The following FBXL2 variants were observed in gnomAD, a reference collection of about 807,000 sequenced individuals.
FBXL2 encodes F-box and leucine rich repeat protein 2, also known as F-box/LRR-repeat protein 2.
FBXL2 carries 38 observed loss-of-function variants against 69.2 expected under a neutral mutation model. That is an observed-to-expected ratio of 0.55 (90% CI 0.42 to 0.72). The LOEUF (loss-of-function observed/expected upper bound fraction) is 0.72, where lower values mean the gene tolerates loss of function less well. Among genes scored for constraint, FBXL2 ranks in the 30% least tolerant of loss-of-function variants. The pLI is 0.00. For missense variants in FBXL2, 354 were observed against 520.3 expected (o/e 0.68, Z 3.11); for synonymous variants, 192 against 201.3 (o/e 0.95, Z 0.39).
Position 33,296,311 on chromosome 3 carries a change from C to T in FBXL2, c.4-1353C>T, listed in dbSNP as rs1025218228. 2.6e-5 allele frequency among the ~76,000 whole-genome samples: 4 copies of T among 152,192 alleles called. No homozygotes were observed. The East Asian group carries it at 7.7e-4, about 29-fold the overall frequency. On this transcript the variant is annotated intron_variant, in intron 1 of 14. Transcript: ENST00000484457. ...GAACTCCCAACCTCAAGCTATCCAC[C>T]TGCCTTGGCCTCCCCAAGTGCTAGG...
chr3:33,284,625 T>A (rs1303736125), intron 1 of FBXL2, among the ~76,000 whole-genome samples: 2 of 152,224 alleles, frequency 1.3e-5, no homozygotes, highest in African/African-American at 4.8e-5. Context: ...CTCATTGATC[T>A]GTCTAATGTT....
At chr3:33,413,277 T>G in the FBXL2 span, among the ~76,000 whole-genome samples, 1 of 151,832 alleles carries the variant, frequency 6.6e-6, no homozygotes, top group East Asian at 1.9e-4. Flanking sequence ...CTGGGTGCGG[T>G]GGCTCACACC....
rs911535533 is a variant in FBXL2, at chr3:33,386,911, CTT to C, written c.*1304_*1305del. On this transcript the variant is annotated 3_prime_UTR_variant, in exon 15 of 15. Coordinates refer to ENST00000484457, the MANE Select transcript of FBXL2 (RefSeq NM_012157.5). ...CTGAAGGGCCAGAGCTCATGAGAAACTTAAAAGTGAAACGGCAAAAGCAAGAT... is the reference window on the plus strand; with the variant it reads ...CTGAAGGGCCAGAGCTCATGAGAAACAAAAGTGAAACGGCAAAAGCAAGAT... 1 of 152,186 alleles carries C rather than the reference CTT, an allele frequency of 6.6e-6. No individual in the cohort carries two copies. Among genetic ancestry groups the C allele is most frequent in the African/African-American group, 2.4e-5 (1 of 41,440 alleles). The allele number at this position is 152,186 out of a possible 1,614,324, so 9.4% of individuals were successfully genotyped here. A position where few individuals can be genotyped will look rare whatever the true frequency, so the allele number is the denominator to read the frequency against.
chr3:33,303,147 G>A (rs2036430297), intron 2 of FBXL2: 1 of 456,438 alleles, frequency 2.2e-6, no homozygotes, highest in African/African-American at 2.0e-5. Flanking sequence ...TTATATACCA[G>A]GGCATCCTAA....
At chr3:33,322,057 C>T (rs2038268688) in intron 2 of FBXL2, among the ~76,000 whole-genome samples, 1 of 136,444 alleles carries the variant, frequency 7.3e-6, no homozygotes, top group Non-Finnish European at 1.5e-5. Flanking sequence ...CACGTGGTGA[C>T]TAGGTGATTT....
chr3:33,384,080 T>A lies in FBXL2; in HGVS notation c.1043T>A (p.Leu348Ter), dbSNP rs1199142527. The A allele has an allele frequency of 6.2e-7, 1 of 1,614,154 alleles. No homozygotes were observed. Among genetic ancestry groups the A allele is most frequent in the Non-Finnish European group, 8.5e-7 (1 of 1,180,016 alleles). Residue 348 changes from leucine (L) to a stop codon, truncating the protein, a stop_gained, in exon 14 of 15, where the codon TTG becomes TAG. Coordinates refer to ENST00000484457, the MANE Select transcript of FBXL2 (RefSeq NM_012157.5). LOFTEE classifies it high-confidence loss of function. The stretch of plus-strand genomic sequence containing the variant: ...CATGAGAGGCTGCGGGTACTGGAGT[T>A]GGACAACTGCCTCCTCATCACTGAT... ...CGHERLRVLE[L>*]DNCLLITDVA...
chr3:33,409,009 T>C, the FBXL2 span, among the ~76,000 whole-genome samples: 5 of 152,292 alleles, frequency 3.3e-5, no homozygotes, highest in East Asian at 9.6e-4. Flanking sequence ...TTAAGGTCTG[T>C]TTCTAAGACC....
chr3:33,282,603 T>C (rs974863795), intron 1 of FBXL2, among the ~76,000 whole-genome samples: 1 of 152,200 alleles, frequency 6.6e-6, no homozygotes, highest in Non-Finnish European at 1.5e-5. Flanking sequence ...GGTAGCTTGA[T>C]GGGGATGGCA....
chr3:33,311,410 G>T (rs1373126387), intron 2 of FBXL2, among the ~76,000 whole-genome samples: 1 of 151,978 alleles, frequency 6.6e-6, no homozygotes, highest in East Asian at 1.9e-4. Flanking sequence ...CTCCTATAAT[G>T]GGTATATATT....
intron 4 of FBXL2, among the ~76,000 whole-genome samples, chr3:33,363,731 T>TA (rs1243267032): frequency 6.6e-6 from 1 of 152,220 alleles, no homozygotes; most frequent in African/African-American, 2.4e-5. Flanking sequence ...TACTCTTTCT[T>TA]ACCTCCATTT....
intron 2 of FBXL2, among the ~76,000 whole-genome samples, chr3:33,339,022 A>G (rs549471722): frequency 1.3e-5 from 2 of 152,190 alleles, no homozygotes; most frequent in African/African-American, 4.8e-5. Flanking sequence ...TTTGCAAACT[A>G]TGCACCTGAC....
intron 4 of FBXL2, among the ~76,000 whole-genome samples, chr3:33,364,171 T>C (rs549014573): frequency 6.6e-6 from 1 of 152,166 alleles, no homozygotes; most frequent in South Asian, 2.1e-4. Flanking sequence ...TTTTGCAATA[T>C]ATTGTTATAC....
intron 2 of FBXL2, among the ~76,000 whole-genome samples, chr3:33,345,376 G>A (rs955153613): frequency 7.2e-5 from 11 of 152,096 alleles, no homozygotes; most frequent in African/African-American, 2.7e-4. Context: ...TTTTTTGGTG[G>A]TAGTGGGGCA....
chr3:33,346,508 A>G (rs2040448168), intron 2 of FBXL2, among the ~76,000 whole-genome samples: 1 of 152,102 alleles, frequency 6.6e-6, no homozygotes, highest in Non-Finnish European at 1.5e-5. Context: ...ACAGTGAGCT[A>G]TGATCACCCC....
intron 12 of FBXL2, chr3:33,396,039 C>T (rs996645621): frequency 8.0e-5 from 66 of 821,020 alleles, no homozygotes; most frequent in Non-Finnish European, 1.1e-4. Context: ...GTCAAGGCTC[C>T]CACATGAGCA....
At position 33,277,473 on chromosome 3, in the gene FBXL2, T is replaced by C. The variant is rs1215091147; in HGVS notation, c.-40T>C. The C allele has an allele frequency of 7.8e-7, 1 of 1,278,090 alleles. No individual in the cohort carries two copies. Among genetic ancestry groups the C allele is most frequent in the Admixed American group, 3.9e-5 (1 of 25,330 alleles). 79.2% of individuals were successfully genotyped at this position (1,278,090 alleles called of 1,614,324 possible). A position where few individuals can be genotyped will look rare whatever the true frequency, so the allele number is the denominator to read the frequency against. On this transcript the variant is annotated 5_prime_UTR_variant, in exon 1 of 15. Coordinates refer to ENST00000484457, the MANE Select transcript of FBXL2 (RefSeq NM_012157.5). ...AGGACAACGGGCGTCGCCGGCGCCG[T>C]GTGACTTCGGGCTGTGGGCTCGCTC...
chr3:33,315,292 C>G (rs1346119716), intron 2 of FBXL2, among the ~76,000 whole-genome samples: 1 of 123,430 alleles, frequency 8.1e-6, no homozygotes, highest in African/African-American at 3.0e-5. Context: ...CTCTCTTTCT[C>G]TGTTTCTCTC....
At position 33,387,997 on chromosome 3, in the gene FBXL2, G is replaced by A. The variant is rs1280191209; in HGVS notation, c.*2389G>A. Reference sequence around the variant, plus strand: ...AGGCAGAAGAATGGCGTGAACCCGGGAGGCAGAGCTTGCAGTGAGCCGAGA... The same window carrying A: ...AGGCAGAAGAATGGCGTGAACCCGGAAGGCAGAGCTTGCAGTGAGCCGAGA... On this transcript the variant is annotated 3_prime_UTR_variant, in exon 15 of 15. Coordinates refer to ENST00000484457, the MANE Select transcript of FBXL2 (RefSeq NM_012157.5). The A allele has an allele frequency of 6.6e-6, 1 of 151,010 alleles. No homozygotes were observed. The highest frequency in any genetic ancestry group is 2.4e-5 in the African/African-American group (1 of 40,908). 9.4% of individuals were successfully genotyped at this position (151,010 alleles called of 1,614,324 possible).
chr3:33,314,396 C>T (rs912184845), intron 2 of FBXL2, among the ~76,000 whole-genome samples: 4 of 152,034 alleles, frequency 2.6e-5, no homozygotes, highest in Non-Finnish European at 5.9e-5. Flanking sequence ...TTTTACATGC[C>T]ACGTATAAGT....
Sources: allele counts gnomAD v4.1 joint callset (sites outside exome capture counted in the v4.1 genomes callset), GRCh38; gene constraint gnomAD v4.1.1; transcripts MANE v1.5; gene names NCBI Gene and HGNC (gene_info 2026-07-23, HGNC 2026-07-21).